TNFAIP8: variants seen among roughly 807,000 people sequenced by gnomAD.
The protein encoded by TNFAIP8 is TNF alpha induced protein 8.
Under a neutral mutation model 13.3 loss-of-function variants are expected in TNFAIP8, and 7 were observed. The ratio of observed to expected loss-of-function variants is 0.52; its 90% CI spans 0.30 to 0.99. The LOEUF (loss-of-function observed/expected upper bound fraction) is 0.99. Among genes scored for constraint, TNFAIP8 ranks in the 50% least tolerant of loss-of-function variants. TNFAIP8 has a pLI of 0.07. For missense variants in TNFAIP8, 258 were observed against 236.9 expected (o/e 1.09, Z -0.58); for synonymous variants, 94 against 87.6 (o/e 1.07, Z -0.41).
In TNFAIP8 at chr5:119,393,564, C is replaced by A. The variant is rs554332611; in HGVS notation, c.*183C>A. ...TTTTATTTGAAGAAAAGCATATTGCCAAAAATTCTGGTTAAAAGCTTCCTA... is the reference window on the plus strand; with the variant it reads ...TTTTATTTGAAGAAAAGCATATTGCAAAAAATTCTGGTTAAAAGCTTCCTA... On this transcript the variant is annotated 3_prime_UTR_variant, in exon 2 of 2. Coordinates refer to ENST00000504771, the MANE Select transcript of TNFAIP8 (RefSeq NM_014350.4). The A allele has an allele frequency of 2.0e-5, 14 of 685,832 alleles. No individual in the cohort carries two copies. The South Asian group carries it at 2.9e-4, about 14-fold the overall frequency. 42.5% of individuals were successfully genotyped at this position (685,832 alleles called of 1,614,324 possible).
intron 1 of TNFAIP8, among the ~76,000 whole-genome samples, chr5:119,276,669 G>A (rs1167831068): frequency 6.6e-6 from 1 of 152,078 alleles, no homozygotes; most frequent in African/African-American, 2.4e-5. Context: ...ATTTCTCTGT[G>A]CACAACCCTG....
chr5:119,383,858 C>T (rs1752575535), intron 1 of TNFAIP8, among the ~76,000 whole-genome samples: 1 of 152,056 alleles, frequency 6.6e-6, no homozygotes, highest in East Asian at 1.9e-4. Context: ...TCAAGTTCTT[C>T]CCTGGAAGCT....
intron 1 of TNFAIP8, among the ~76,000 whole-genome samples, chr5:119,328,876 A>T (rs1301002522): frequency 1.3e-5 from 2 of 152,228 alleles, no homozygotes; most frequent in Non-Finnish European, 2.9e-5. Context: ...AATGCTATAA[A>T]ATGTCAGGCC....
At chr5:119,310,716 A>G (rs1409092284) in intron 1 of TNFAIP8, among the ~76,000 whole-genome samples, 7 of 152,114 alleles carry the variant, frequency 4.6e-5, no homozygotes, top group South Asian at 4.1e-4. Context: ...AATCCCAGTT[A>G]CTTGAGAGGC....
chr5:119,369,056 TTTTTTTTTTTTTTTTGAGAGG>T (rs1751978170), intron 1 of TNFAIP8, among the ~76,000 whole-genome samples: 1 of 98,050 alleles, frequency 1.0e-5, no homozygotes, highest in South Asian at 2.5e-4. Context: ...TTTTCTTTTC[TTTTTTTTTTTTTTTTGAGAGG>T]GAATCTTGCT....
chr5:119,313,373 G>A lies in TNFAIP8; in HGVS notation c.1+44466G>A, dbSNP rs569880247. On this transcript the variant is annotated intron_variant, in intron 1 of 1. Transcript: ENST00000274456. ...CACTCAGCTTGTAATGAAACATGAG[G>A]CTTTGGGGGCCAGGGTGGAGGGAGA... is the stretch of plus-strand genomic sequence containing the variant. 4.9e-4 allele frequency among the ~76,000 whole-genome samples: 75 copies of A among 152,282 alleles called. 1 individual carries two copies. The highest frequency in any genetic ancestry group is 4.1e-3 in the Admixed American group (63 of 15,294).
chr5:119,333,542 T>C (rs1750451877), intron 1 of TNFAIP8: 1 of 1,534,836 alleles, frequency 6.5e-7, no homozygotes, highest in Non-Finnish European at 8.7e-7. Context: ...AACAGGGTGG[T>C]TGCATGCATT....
intron 1 of TNFAIP8, among the ~76,000 whole-genome samples, chr5:119,294,568 G>A (rs756172810): frequency 5.9e-5 from 9 of 152,078 alleles, no homozygotes; most frequent in Non-Finnish European, 1.0e-4. Context: ...ACCCAGTAAT[G>A]GATGGCTGGG....
intron 1 of TNFAIP8, among the ~76,000 whole-genome samples, chr5:119,338,957 G>A (rs7704291): frequency 0.1 from 15,915 of 152,056 alleles, 1,043 homozygotes; most frequent in African/African-American, 0.2. Flanking sequence ...TTAGGCGGGA[G>A]GATGTCTTGA....
At chr5:119,358,623 A>G (rs928749201) in intron 1 of TNFAIP8, among the ~76,000 whole-genome samples, 1 of 152,222 alleles carries the variant, frequency 6.6e-6, no homozygotes, top group African/African-American at 2.4e-5. Context: ...AAAGGTGACT[A>G]CCATTAAAAA....
At chr5:119,281,163 C>G (rs1381766720) in intron 1 of TNFAIP8, among the ~76,000 whole-genome samples, 1 of 151,932 alleles carries the variant, frequency 6.6e-6, no homozygotes, top group African/African-American at 2.4e-5. Flanking sequence ...CCAAGAAACC[C>G]TGGTTATTTT....
chr5:119,377,410 AAAAAAAT>A (rs1752324944), intron 1 of TNFAIP8, among the ~76,000 whole-genome samples: 1 of 152,000 alleles, frequency 6.6e-6, no homozygotes, highest in South Asian at 2.1e-4. Flanking sequence ...AAGAAGTAAA[AAAAAAAT>A]AAAAAATAAA....
At chr5:119,281,107 GCTTGT>G (rs1335193343) in intron 1 of TNFAIP8, among the ~76,000 whole-genome samples, 1 of 151,980 alleles carries the variant, frequency 6.6e-6, no homozygotes, top group Non-Finnish European at 1.5e-5. Context: ...GGTGATCCAT[GCTTGT>G]CTTGTACATT....
chr5:119,370,715 T>C (rs1227398002), intron 1 of TNFAIP8, among the ~76,000 whole-genome samples: 1 of 152,226 alleles, frequency 6.6e-6, no homozygotes, highest in African/African-American at 2.4e-5. Flanking sequence ...CTGCTATCCC[T>C]AATGATTTAA....
intron 1 of TNFAIP8, among the ~76,000 whole-genome samples, chr5:119,347,757 A>G (rs1314487739): frequency 6.6e-6 from 1 of 152,048 alleles, no homozygotes; most frequent in African/African-American, 2.4e-5. Context: ...TTCAGTTCAC[A>G]TTTTCACCAC....
chr5:119,388,485 C>T (rs917544374), intron 1 of TNFAIP8, among the ~76,000 whole-genome samples: 6 of 152,204 alleles, frequency 3.9e-5, no homozygotes, highest in African/African-American at 1.4e-4. Context: ...CAAGTTGACA[C>T]AGTGAACATG....
At chr5:119,294,697 C>T (rs1303374711) in intron 1 of TNFAIP8, among the ~76,000 whole-genome samples, 1 of 152,190 alleles carries the variant, frequency 6.6e-6, no homozygotes, top group Non-Finnish European at 1.5e-5. Flanking sequence ...TCCTCTCCAG[C>T]ACCTGTTGTT....
intron 1 of TNFAIP8, among the ~76,000 whole-genome samples, chr5:119,300,523 C>T (rs1349750225): frequency 6.6e-6 from 1 of 152,198 alleles, no homozygotes; most frequent in Admixed American, 6.5e-5. Context: ...ATTCCTGACT[C>T]AGTCTATTAT....
rs967465222 is a variant in TNFAIP8, at chr5:119,397,167, C to T, written c.*3786C>T. On this transcript the variant is annotated 3_prime_UTR_variant, in exon 2 of 2. Transcript: ENST00000504771. ...CACACACACACAATTTTTAAGCCCC[C>T]AAAGGCTTAAAATAGTACTTTTTGT... 2 of 151,740 alleles carry T rather than the reference C, an allele frequency of 1.3e-5. No homozygotes were observed. The highest frequency in any genetic ancestry group is 2.9e-5 in the Non-Finnish European group (2 of 67,966). 9.4% of individuals were successfully genotyped at this position (151,740 alleles called of 1,614,324 possible). A position where few individuals can be genotyped will look rare whatever the true frequency, so the allele number is the denominator to read the frequency against.
Sources: gnomAD v4.1 joint callset for allele counts (sites outside exome capture counted in the v4.1 genomes callset) on GRCh38, gnomAD v4.1.1 for gene constraint, MANE v1.5 for transcripts, NCBI Gene and HGNC (gene_info 2026-07-23, HGNC 2026-07-21) for gene names.